USP53: variants seen among roughly 807,000 people sequenced by gnomAD.
The protein encoded by USP53 is ubiquitin specific peptidase 53.
USP53 carries 71 observed loss-of-function variants against 94.9 expected under a neutral mutation model. That is an observed-to-expected ratio of 0.75 (90% CI 0.62 to 0.91). The LOEUF (loss-of-function observed/expected upper bound fraction) is 0.91. Among genes scored for constraint, USP53 ranks in the 40% least tolerant of loss-of-function variants. USP53 has a pLI of 0.00. For missense variants in USP53, 1,173 were observed against 1,281.0 expected, an observed-to-expected ratio of 0.92 and a Z score of 1.29; for synonymous variants, 375 against 422.7, an observed-to-expected ratio of 0.89 and a Z score of 1.39.
At chr4:119,253,605 T>C (rs1377540681) in intron 7 of USP53, among the ~76,000 whole-genome samples, 1 of 152,192 alleles carries the variant, frequency 6.6e-6, no homozygotes, top group Non-Finnish European at 1.5e-5. Flanking sequence ...TTTGAGTCTA[T>C]GTGTGTCTCT....
At chr4:119,244,996 T>C (rs182015035) in intron 5 of USP53, among the ~76,000 whole-genome samples, 49 of 152,338 alleles carry the variant, frequency 3.2e-4, no homozygotes, top group African/African-American at 1.1e-3. Context: ...CACTTCCTCT[T>C]TCATGTCTCT....
In USP53 at chr4:119,283,612, G is replaced by A. The variant is rs541780054; in HGVS notation, c.2252-7553G>A. On this transcript the variant is annotated intron_variant, in intron 17 of 18. Transcript: ENST00000692078. The stretch of plus-strand genomic sequence containing the variant: ...TATTTGAGAGATGATAAGCGTATGT[G>A]GGCAGGATAATTAGTTAGCTTTTGT... 2.0e-5 allele frequency among the ~76,000 whole-genome samples: 3 copies of A among 151,886 alleles called. No homozygotes were observed. In the South Asian group the frequency reaches 6.2e-4, roughly 32 times the overall value.
intron 5 of USP53, among the ~76,000 whole-genome samples, chr4:119,243,687 C>T (rs1399494033): frequency 2.0e-5 from 3 of 151,974 alleles, no homozygotes; most frequent in Admixed American, 6.6e-5. Flanking sequence ...TCAGAGTTTT[C>T]GTAATCATAG....
chr4:119,250,226 C>T (rs985586072), intron 7 of USP53, among the ~76,000 whole-genome samples: 6 of 152,104 alleles, frequency 3.9e-5, no homozygotes, highest in African/African-American at 1.4e-4. Context: ...AGCCTTTGCT[C>T]AAGTTCCTGA....
chr4:119,242,943 A>G (rs768709672), intron 5 of USP53, among the ~76,000 whole-genome samples: 9 of 152,156 alleles, frequency 5.9e-5, no homozygotes, highest in Non-Finnish European at 1.3e-4. Context: ...TATTTAAGCT[A>G]TTTCTTACAT....
intron 17 of USP53, among the ~76,000 whole-genome samples, chr4:119,275,780 G>A (rs1752547946): frequency 6.6e-6 from 1 of 152,156 alleles, no homozygotes; most frequent in Admixed American, 6.6e-5. Flanking sequence ...TCCTTGAGCA[G>A]CGGTTTGTAG....
chr4:119,268,289 A>G lies in USP53; in HGVS notation c.1157A>G (p.His386Arg), dbSNP rs551943555. The change falls in exon 14 of 19, where the codon CAT becomes CGT. Residue 386 changes from histidine (H) to arginine (R), a missense_variant. By Grantham distance (29) the His-to-Arg change is conservative. Coordinates refer to ENST00000692078, the MANE Select transcript of USP53 (RefSeq NM_001371395.1). ...TAAGGATGTGAAAAGCCTGTAATTC[A>G]TAAGTCAGATAATTTAAAAGAAAAT... ...ENMGCEKPVI[H>R]KSDNLKENGF... 5.6e-6 allele frequency: 9 copies of G among 1,613,126 alleles called. No homozygotes were observed. In the South Asian group the frequency reaches 6.6e-5, roughly 12 times the overall value.
Position 119,267,449 on chromosome 4 carries a change from T to C in USP53, c.1102T>C (p.Trp368Arg). Residue 368 changes from tryptophan (W) to arginine (R), a missense_variant, in exon 13 of 19, where the codon TGG becomes CGG. By Grantham distance (101) the Trp-to-Arg change is moderately radical (BLOSUM62 -3). Transcript: ENST00000692078. ...TEDALRQVIS[W>R]SHYKSVAENM... ...GGATGCACTCAGGCAGGTCATCAGC[T>C]GGTCACATTACAAATCTGTTGCAGA... 1 of 1,612,574 alleles carries C rather than the reference T, an allele frequency of 6.2e-7. No individual in the cohort carries two copies. Among genetic ancestry groups the C allele is most frequent in the Non-Finnish European group, 8.5e-7 (1 of 1,179,614 alleles).
rs376938608 is a variant in USP53, at chr4:119,267,391, T to C, written c.1044T>C (p.Tyr348=). The change falls in exon 13 of 19, where the codon TAT becomes TAC. Residue 348 remains tyrosine (Y), a synonymous_variant. Coordinates refer to ENST00000692078, the MANE Select transcript of USP53 (RefSeq NM_001371395.1). ...RCHFQPLLLF[Y]ANPDGTAVST... ...ACTTTCAGCCACTACTTTTGTTTTA[T>C]GCAAACCCAGATGGCACAGCAGTTT... is the stretch of plus-strand genomic sequence containing the variant. The C allele has an allele frequency of 6.4e-5, 104 of 1,614,166 alleles. No homozygotes were observed. The African/African-American group carries it at 1.1e-3, about 17-fold the overall frequency.
intron 3 of USP53, among the ~76,000 whole-genome samples, chr4:119,226,069 T>C (rs1218432465): frequency 6.6e-6 from 1 of 152,140 alleles, no homozygotes. Flanking sequence ...AATAGAATCA[T>C]ATAATCATCT....
chr4:119,242,390 C>A (rs1280092833), intron 5 of USP53, among the ~76,000 whole-genome samples: 1 of 152,150 alleles, frequency 6.6e-6, no homozygotes, highest in Admixed American at 6.6e-5. Context: ...TGGTTAATTT[C>A]TCTGCTATTG....
chr4:119,291,154 C>CCCCCA lies in USP53; in HGVS notation c.2252-9_2252-8insCCACC. On this transcript the variant is annotated splice_polypyrimidine_tract_variant and intron_variant, in intron 17 of 18. Transcript: ENST00000692078. Reference sequence around the variant, plus strand: ...TTCCTCATCTCTTCTCCCCACCCCACCCAACCCTAGGCTTTAGAAAAGAAC... The same window carrying CCCCCA: ...TTCCTCATCTCTTCTCCCCACCCCACCCCCACCAACCCTAGGCTTTAGAAAAGAAC... 8.2e-7 allele frequency: 1 copy of CCCCCA among 1,213,210 alleles called. No homozygotes were observed. Among genetic ancestry groups the CCCCCA allele is most frequent in the Non-Finnish European group, 1.1e-6 (1 of 880,808 alleles). The allele number at this position is 1,213,210 out of a possible 1,614,324, so 75.2% of individuals were successfully genotyped here. A position where few individuals can be genotyped will look rare whatever the true frequency, so the allele number is the denominator to read the frequency against.
rs1294024093 is a variant in USP53 at position 119,294,962 on chromosome 4, G to A, written c.*1751G>A. The stretch of plus-strand genomic sequence containing the variant: ...GTAAACCTGTATTTAAAATACCAAA[G>A]TTTTTCTTCTTTTATAACATTGTAA... On this transcript the variant is annotated 3_prime_UTR_variant, in exon 19 of 19. Transcript: ENST00000692078. 10 of 151,646 alleles carry A rather than the reference G, an allele frequency of 6.6e-5. No individual in the cohort carries two copies. In the East Asian group the frequency reaches 1.9e-3, roughly 29 times the overall value. The allele number at this position is 151,646 out of a possible 1,614,324, so 9.4% of individuals were successfully genotyped here.
At chr4:119,216,917 C>T (rs71610256) in intron 2 of USP53, among the ~76,000 whole-genome samples, 1 of 152,178 alleles carries the variant, frequency 6.6e-6, no homozygotes, top group East Asian at 1.9e-4. Context: ...AATCATTTTA[C>T]GTGGAAGATA....
chr4:119,230,863 G>C (rs1745968946), intron 3 of USP53, among the ~76,000 whole-genome samples: 1 of 152,154 alleles, frequency 6.6e-6, no homozygotes, highest in Non-Finnish European at 1.5e-5. Flanking sequence ...TTGGGGTCCA[G>C]GGTATTACCT....
At chr4:119,227,247 GTC>G (rs1186143404) in intron 3 of USP53, among the ~76,000 whole-genome samples, 2 of 70,494 alleles carry the variant, frequency 2.8e-5, no homozygotes, top group Non-Finnish European at 6.0e-5. Context: ...CCAAAGCCTT[GTC>G]TAACACTACA....
At chr4:119,267,090 A>G (rs529769617) in intron 12 of USP53, among the ~76,000 whole-genome samples, 45 of 152,340 alleles carry the variant, frequency 3.0e-4, no homozygotes, top group African/African-American at 1.1e-3. Context: ...AAATTTAATC[A>G]CCTTGAAGTT....
rs750971024 is a variant in USP53 at position 119,272,001 on chromosome 4, A to G, written c.2141A>G (p.Asp714Gly). The change falls in exon 16 of 19, where the codon GAT becomes GGT. Residue 714 changes from aspartate to glycine, a missense_variant. Coordinates refer to ENST00000692078, the MANE Select transcript of USP53 (RefSeq NM_001371395.1). ...ATCGATGGAAATGGTACAGTAATGGATATCAGTGGTGTTAAAGAAACAGTA... is the reference window on the plus strand; with the variant it reads ...ATCGATGGAAATGGTACAGTAATGGGTATCAGTGGTGTTAAAGAAACAGTA... ...PVIDGNGTVM[D>G]ISGVKETVCF... is the part of the protein sequence containing the mutation. 2.5e-6 allele frequency: 4 copies of G among 1,602,924 alleles called. No individual in the cohort carries two copies. Among genetic ancestry groups the G allele is most frequent in the Admixed American group, 1.7e-5 (1 of 57,228 alleles).
intron 2 of USP53, among the ~76,000 whole-genome samples, chr4:119,216,295 C>T (rs1743739558): frequency 6.6e-6 from 1 of 151,888 alleles, no homozygotes; most frequent in Non-Finnish European, 1.5e-5. Context: ...GCAGGAGAAT[C>T]ACTTGAACCC....
Sources: allele counts gnomAD v4.1 joint callset (sites outside exome capture counted in the v4.1 genomes callset), GRCh38; gene constraint gnomAD v4.1.1; transcripts MANE v1.5; gene names NCBI Gene and HGNC (gene_info 2026-07-23, HGNC 2026-07-21).